The following B3GLCT variants were observed in gnomAD, a reference collection of about 807,000 sequenced individuals.
The protein encoded by B3GLCT is beta 3-glucosyltransferase.
B3GLCT carries 65 observed loss-of-function variants against 63.4 expected under a neutral mutation model. The ratio of observed to expected loss-of-function variants is 1.03; its 90% confidence interval spans 0.84 to 1.26. B3GLCT has a LOEUF of 1.26. Among genes scored for constraint, B3GLCT ranks in the 50% most tolerant of loss-of-function variants. The probability of loss-of-function intolerance (pLI) is 0.00; values close to 1 mark genes in which losing one functional copy is unlikely to be tolerated. For synonymous variants in B3GLCT, 233 were observed against 219.2 expected (o/e 1.06, Z -0.55); for missense variants, 577 against 604.8 (o/e 0.95, Z 0.48).
chr13:31,329,634 A>G lies in B3GLCT; in HGVS notation c.1463A>G (p.Gln488Arg), dbSNP rs778426886. ...LAPSDEDKAR[Q>R]ETQKGFREEL ...CCCAGTGACGAAGACAAAGCCAGGC[A>G]GGAGACACAGAAAGGTTTTCGAGAG... is the stretch of plus-strand genomic sequence containing the variant. Residue 488 changes from glutamine (Q) to arginine (R), a missense_variant, in exon 15 of 15, where the codon CAG (glutamine) becomes CGG (arginine). Physicochemically the swap from Gln to Arg is conservative, Grantham distance 43. Transcript: ENST00000343307. 76 of 1,614,114 alleles carry G rather than the reference A, an allele frequency of 4.7e-5. No individual in the cohort carries two copies. Among genetic ancestry groups the G allele is most frequent in the Non-Finnish European group, 6.1e-5 (72 of 1,180,056 alleles).
intron 12 of B3GLCT, chr13:31,311,645 A>C (rs750298345): frequency 6.6e-6 from 1 of 152,272 alleles, no homozygotes; most frequent in African/African-American, 2.4e-5. Flanking sequence ...TGGTTTTAGA[A>C]TCTGTACAAA....
In B3GLCT at chr13:31,329,672, A is replaced by G. The variant is rs759284056; in HGVS notation, c.*4A>G. The G allele has an allele frequency of 6.2e-7, 1 of 1,614,134 alleles. No homozygotes were observed. Among genetic ancestry groups the G allele is most frequent in the Non-Finnish European group, 8.5e-7 (1 of 1,179,982 alleles). On this transcript the variant is annotated 3_prime_UTR_variant, in exon 15 of 15. Coordinates refer to ENST00000343307, the MANE Select transcript of B3GLCT (RefSeq NM_194318.4). ...AGGTTTTCGAGAGGAGTTATAAATC[A>G]GGGTGACCTGTGCGCCTAGCCTGCG...
chr13:31,290,900 G>C (rs372539730), intron 12 of B3GLCT, among the ~76,000 whole-genome samples: 79 of 152,048 alleles, frequency 5.2e-4, no homozygotes, highest in Non-Finnish European at 8.5e-4. Context: ...TTTTGTTGCC[G>C]TTGCCTTTGA....
At chr13:31,272,898 T>A (rs1872632328) in intron 8 of B3GLCT, among the ~76,000 whole-genome samples, 1 of 152,212 alleles carries the variant, frequency 6.6e-6, no homozygotes, top group African/African-American at 2.4e-5. Context: ...TCCAATTGAA[T>A]CCTTTTTATT....
At chr13:31,277,074 A>G (rs1328974069) in intron 10 of B3GLCT, among the ~76,000 whole-genome samples, 2 of 152,214 alleles carry the variant, frequency 1.3e-5, no homozygotes, top group Non-Finnish European at 2.9e-5. Flanking sequence ...AAAACAGTCC[A>G]TTTTGTCAAA....
At chr13:31,211,979 T>C (rs1869283756) in intron 1 of B3GLCT, among the ~76,000 whole-genome samples, 1 of 152,226 alleles carries the variant, frequency 6.6e-6, no homozygotes, top group Non-Finnish European at 1.5e-5. Flanking sequence ...AACACTGTTA[T>C]TAGATGATGC....
chr13:31,315,409 G>A (rs1874946382), intron 12 of B3GLCT, among the ~76,000 whole-genome samples: 1 of 152,190 alleles, frequency 6.6e-6, no homozygotes, highest in African/African-American at 2.4e-5. Context: ...GAGACTGGTG[G>A]AATTTTGCCC....
At chr13:31,310,171 T>A (rs910388493) in intron 12 of B3GLCT, among the ~76,000 whole-genome samples, 1 of 152,014 alleles carries the variant, frequency 6.6e-6, no homozygotes, top group Non-Finnish European at 1.5e-5. Flanking sequence ...CAGCACACAC[T>A]CCCCGATCCT....
chr13:31,286,903 A>G, intron 12 of B3GLCT, 84 bp downstream of exon 12: 1 of 908,594 alleles, frequency 1.1e-6, no homozygotes, highest in South Asian at 1.6e-5. Flanking sequence ...TTTTCTGGCC[A>G]AGATGAAGTA....
intron 12 of B3GLCT, among the ~76,000 whole-genome samples, chr13:31,317,053 A>G (rs972908575): frequency 1.3e-5 from 2 of 152,240 alleles, no homozygotes; most frequent in Non-Finnish European, 2.9e-5. Flanking sequence ...TTTCTAGGAT[A>G]GCCTCACTGC....
intron 1 of B3GLCT, among the ~76,000 whole-genome samples, chr13:31,212,082 A>G (rs181677944): frequency 1.3e-5 from 2 of 151,998 alleles, no homozygotes; most frequent in African/African-American, 4.8e-5. Context: ...TGAAATTTGG[A>G]ATTAATTCGG....
chr13:31,208,885 T>C (rs1365934603), intron 1 of B3GLCT, among the ~76,000 whole-genome samples: 1 of 151,884 alleles, frequency 6.6e-6, no homozygotes, highest in East Asian at 1.9e-4. Context: ...TTCAGCCTCA[T>C]TTCTAGCCCC....
chr13:31,266,005 CTT>C (rs777718886), intron 7 of B3GLCT, among the ~76,000 whole-genome samples: 1 of 146,570 alleles, frequency 6.8e-6, no homozygotes, highest in Admixed American at 6.8e-5. Context: ...GACTTAACTT[CTT>C]TTTTTTTTTT....
intron 14 of B3GLCT, among the ~76,000 whole-genome samples, chr13:31,327,563 A>G (rs1019540948): frequency 3.9e-5 from 6 of 152,220 alleles, no homozygotes; most frequent in Non-Finnish European, 8.8e-5. Flanking sequence ...AAGTGAAACC[A>G]TGGATAAGGG....
chr13:31,271,771 T>C (rs775420259), intron 8 of B3GLCT, among the ~76,000 whole-genome samples: 24 of 152,368 alleles, frequency 1.6e-4, no homozygotes, highest in Admixed American at 3.9e-4. Flanking sequence ...GCTTATCATT[T>C]ACTAAGGGAG....
chr13:31,324,202 AT>A (rs988292814), intron 14 of B3GLCT, among the ~76,000 whole-genome samples: 1 of 152,228 alleles, frequency 6.6e-6, no homozygotes, highest in African/African-American at 2.4e-5. Context: ...GATTGGTAGC[AT>A]TTAAAAATTA....
intron 3 of B3GLCT, 30 bp from the exon 4 acceptor site, chr13:31,229,155 A>G (rs1870244306): frequency 7.2e-7 from 1 of 1,387,448 alleles, no homozygotes; most frequent in Non-Finnish European, 1.0e-6. Context: ...GTAAAAAGAA[A>G]TACCTGAAAA....
chr13:31,322,257 G>A (rs1248928941), intron 13 of B3GLCT, among the ~76,000 whole-genome samples: 1 of 152,260 alleles, frequency 6.6e-6, no homozygotes, highest in Non-Finnish European at 1.5e-5. Flanking sequence ...GTTACCCAGA[G>A]AGACTGCCAT....
At position 31,222,928 on chromosome 13, in the gene B3GLCT, TTTTCTC is replaced by T. The variant is rs1869892348; in HGVS notation, c.121-19_121-14del. On this transcript the variant is annotated intron_variant, in intron 2 of 14. Transcript: ENST00000343307. ...CTTTGTTATGTACTGAGATTCATCT[TTTTCTC>T]TTTCATTTAAAATACAGGATTTGGA... The T allele has an allele frequency of 2.7e-6, 4 of 1,462,278 alleles. No homozygotes were observed. Among genetic ancestry groups the T allele is most frequent in the East Asian group, 4.5e-5 (2 of 44,038 alleles). 90.6% of individuals were successfully genotyped at this position (1,462,278 alleles called of 1,614,324 possible). A position where few individuals can be genotyped will look rare whatever the true frequency, so the allele number is the denominator to read the frequency against.
Sources: allele counts gnomAD v4.1 joint callset (sites outside exome capture counted in the v4.1 genomes callset), GRCh38; gene constraint gnomAD v4.1.1; transcripts MANE v1.5; gene names NCBI Gene and HGNC (gene_info 2026-07-23, HGNC 2026-07-21).